The following ZFYVE28 variants were observed in gnomAD, a reference collection of about 807,000 sequenced individuals.
ZFYVE28 encodes lateral signaling target protein 2 homolog.
ZFYVE28 carries 40 observed loss-of-function variants against 82.1 expected under a neutral mutation model. The observed-to-expected ratio is 0.49, with a 90% confidence interval of 0.38 to 0.63. The LOEUF (loss-of-function observed/expected upper bound fraction) is 0.63, where lower values mean the gene tolerates loss of function less well. Ranked by LOEUF, ZFYVE28 falls within the 30% of genes least tolerant of loss-of-function variation. ZFYVE28 has a pLI of 0.00. For missense variants in ZFYVE28, 1,321 were observed against 1,242.1 expected (o/e 1.06, Z -0.96); for synonymous variants, 612 against 546.1 (o/e 1.12, Z -1.68).
intron 1 of ZFYVE28, among the ~76,000 whole-genome samples, chr4:2,388,498 C>A (rs1729503586): frequency 6.6e-6 from 1 of 152,168 alleles, no homozygotes. Context: ...GTACCAGGGC[C>A]TTTCTAGAGC....
chr4:2,336,776 T>G, intron 5 of ZFYVE28, among the ~76,000 whole-genome samples: 2 of 136,596 alleles, frequency 1.5e-5, no homozygotes, highest in Admixed American at 7.1e-5. Context: ...AGTGAGGAGG[T>G]GAGGAGGTGA....
chr4:2,415,271 G>C (rs184914008), intron 1 of ZFYVE28, among the ~76,000 whole-genome samples: 5 of 152,290 alleles, frequency 3.3e-5, no homozygotes, highest in African/African-American at 4.8e-5. Flanking sequence ...TATAAGAACA[G>C]TGAATAATAT....
chr4:2,371,927 G>C (rs145169073), intron 1 of ZFYVE28, among the ~76,000 whole-genome samples: 28 of 152,258 alleles, frequency 1.8e-4, no homozygotes, highest in African/African-American at 6.5e-4. Context: ...GCTGATGGCC[G>C]TGTGTCCCCA....
At chr4:2,361,297 C>T (rs1449068902) in intron 1 of ZFYVE28, among the ~76,000 whole-genome samples, 1 of 152,114 alleles carries the variant, frequency 6.6e-6, no homozygotes, top group African/African-American at 2.4e-5. Context: ...CAAGGATGGA[C>T]TGACTCTGGG....
intron 1 of ZFYVE28, among the ~76,000 whole-genome samples, chr4:2,370,032 A>G (rs1233232379): frequency 6.6e-6 from 1 of 151,066 alleles, no homozygotes; most frequent in Non-Finnish European, 1.5e-5. Context: ...TGTACTCTTA[A>G]TAGAGACGGG....
rs1333377061 is a variant in ZFYVE28, at chr4:2,320,285, A to G, written c.702-14T>C. Reference sequence around the variant, plus strand: ...ACCACGAGGCCACTGCATTTGAGACACAAAAGCCAGGATGTCAGGCCCTGT... The same window carrying G: ...ACCACGAGGCCACTGCATTTGAGACGCAAAAGCCAGGATGTCAGGCCCTGT... On this transcript the variant is annotated splice_polypyrimidine_tract_variant and intron_variant, in intron 6 of 12. Coordinates refer to ENST00000290974, the MANE Select transcript of ZFYVE28 (RefSeq NM_020972.3). This position sits in a 1 kb window ranked among gnomAD's most constrained non-coding sequence, Gnocchi z 5.1. The G allele has an allele frequency of 6.2e-7, 1 of 1,612,160 alleles. No homozygotes were observed.
At chr4:2,338,266 A>C (rs1304254578) in intron 4 of ZFYVE28, among the ~76,000 whole-genome samples, 1 of 152,212 alleles carries the variant, frequency 6.6e-6, no homozygotes, top group Non-Finnish European at 1.5e-5. Flanking sequence ...ACCCTTCCCC[A>C]GATGAGAGCA....
At chr4:2,311,498 C>T (rs2108830190) in intron 7 of ZFYVE28, among the ~76,000 whole-genome samples, 1 of 152,288 alleles carries the variant, frequency 6.6e-6, no homozygotes, top group African/African-American at 2.4e-5. Flanking sequence ...TGTACTCCAG[C>T]CTGGGTGACA....
chr4:2,323,994 A>G (rs1328866581), intron 6 of ZFYVE28, among the ~76,000 whole-genome samples: 2 of 151,980 alleles, frequency 1.3e-5, no homozygotes, highest in Non-Finnish European at 2.9e-5. Context: ...TTCTCTTTTT[A>G]TCTTTTTGTG....
intron 1 of ZFYVE28, among the ~76,000 whole-genome samples, chr4:2,389,165 T>G (rs1487427256): frequency 1.3e-5 from 2 of 152,058 alleles, no homozygotes; most frequent in African/African-American, 4.8e-5. Flanking sequence ...CCTACAATCC[T>G]AATGGCTACA....
intron 1 of ZFYVE28, among the ~76,000 whole-genome samples, chr4:2,407,864 G>A (rs1732089624): frequency 6.6e-6 from 1 of 152,208 alleles, no homozygotes. Context: ...GGGATTACAG[G>A]CGTGAGCCAC....
intron 8 of ZFYVE28, among the ~76,000 whole-genome samples, chr4:2,283,747 C>T (rs1712319538): frequency 6.6e-6 from 1 of 152,202 alleles, no homozygotes; most frequent in Admixed American, 6.5e-5. Context: ...ACAGAGGAAC[C>T]ATCAAGGGTG....
chr4:2,376,377 A>T (rs1291380634), intron 1 of ZFYVE28, among the ~76,000 whole-genome samples: 5 of 24,116 alleles, frequency 2.1e-4, no homozygotes, highest in South Asian at 1.3e-3. Flanking sequence ...TCTCTAAAAA[A>T]AAAAAAAAAA....
In ZFYVE28 at chr4:2,353,054, A is replaced by T. The variant is rs1245033094; in HGVS notation, c.180+879T>A. On this transcript the variant is annotated intron_variant, in intron 2 of 12. Coordinates refer to ENST00000290974, the MANE Select transcript of ZFYVE28 (RefSeq NM_020972.3). ...AGGCTGTCCCTGGAGGGGCCAGAAC[A>T]TCTGTGGGAACATCTGAACACATGG... Among the ~76,000 whole-genome samples the T allele has an allele frequency of 3.3e-5, 5 of 152,160 alleles. No individual in the cohort carries two copies. In the South Asian group the frequency reaches 1.0e-3, roughly 32 times the overall value.
intron 1 of ZFYVE28, among the ~76,000 whole-genome samples, chr4:2,373,836 C>T (rs535508065): frequency 9.2e-5 from 14 of 152,332 alleles, no homozygotes; most frequent in African/African-American, 2.6e-4. Flanking sequence ...GCACATGCCA[C>T]GCCTCTCCAC....
At chr4:2,399,826 G>A (rs948693112) in intron 1 of ZFYVE28, among the ~76,000 whole-genome samples, 8 of 152,338 alleles carry the variant, frequency 5.3e-5, no homozygotes, top group Non-Finnish European at 8.8e-5. Flanking sequence ...GCTGCCGGAC[G>A]TGAGCCGTAC....
chr4:2,325,592 C>CCT (rs374369977), intron 6 of ZFYVE28, among the ~76,000 whole-genome samples: 1 of 122,228 alleles, frequency 8.2e-6, no homozygotes, highest in Non-Finnish European at 1.7e-5. Flanking sequence ...TTAAATCTTA[C>CCT]TTTTTTTTTT....
chr4:2,272,120 C>CAT (rs1735969815), intron 10 of ZFYVE28, among the ~76,000 whole-genome samples: 1 of 152,224 alleles, frequency 6.6e-6, no homozygotes, highest in South Asian at 2.1e-4. Context: ...TGTCACCTGC[C>CAT]GTCTCTGAAT....
At chr4:2,326,687 T>C (rs1055070341) in intron 6 of ZFYVE28, among the ~76,000 whole-genome samples, 5 of 152,242 alleles carry the variant, frequency 3.3e-5, no homozygotes, top group Admixed American at 6.5e-5. Flanking sequence ...GGAATATCTT[T>C]GTCTTCTTGA....
Sources: allele counts gnomAD v4.1 joint callset (sites outside exome capture counted in the v4.1 genomes callset), GRCh38; gene constraint gnomAD v4.1.1; non-coding constraint Gnocchi (gnomAD v3.1); transcripts MANE v1.5; gene names NCBI Gene and HGNC (gene_info 2026-07-23, HGNC 2026-07-21).